The following HECW2 variants were observed in gnomAD, a reference collection of about 807,000 sequenced individuals.
HECW2 encodes E3 ubiquitin-protein ligase HECW2.
HECW2 carries 61 observed loss-of-function variants against 175.2 expected under a neutral mutation model. The observed-to-expected ratio is 0.35, with a 90% CI of 0.28 to 0.43. HECW2 has a LOEUF of 0.43. Ranked by LOEUF, HECW2 falls within the 20% of genes least tolerant of loss-of-function variation. HECW2 has a pLI of 1.00. For synonymous variants in HECW2, 671 were observed against 731.0 expected (o/e 0.92, Z 1.32); for missense variants, 1,524 against 2,000.5 (o/e 0.76, Z 4.54).
intron 14 of HECW2, among the ~76,000 whole-genome samples, chr2:196,282,710 G>A (rs1401419072): frequency 6.6e-6 from 1 of 152,172 alleles, no homozygotes; most frequent in African/African-American, 2.4e-5. Flanking sequence ...CAGGTAGCAG[G>A]CTTCAGAGAG....
intron 2 of HECW2, among the ~76,000 whole-genome samples, chr2:196,370,912 C>A (rs1419003791): frequency 2.0e-5 from 3 of 152,212 alleles, no homozygotes; most frequent in African/African-American, 7.2e-5. Context: ...AGGGGGGATG[C>A]AGTGTCAGCA....
chr2:196,263,069 G>A (rs1400193364), intron 17 of HECW2: 2 of 150,776 alleles, frequency 1.3e-5, no homozygotes, highest in African/African-American at 4.9e-5. Context: ...AAAAAGAATT[G>A]GAAAGCCAAT....
chr2:196,464,861 T>C (rs1696887403), intron 1 of HECW2, among the ~76,000 whole-genome samples: 2 of 152,068 alleles, frequency 1.3e-5, no homozygotes, highest in African/African-American at 4.8e-5. Context: ...CCTAACACAG[T>C]GAAACCCTGT....
intron 10 of HECW2, among the ~76,000 whole-genome samples, chr2:196,310,604 A>G (rs1313832975): frequency 6.6e-6 from 1 of 152,218 alleles, no homozygotes; most frequent in Non-Finnish European, 1.5e-5. Flanking sequence ...ATAAGAAAGC[A>G]TATGAAAACT....
intron 1 of HECW2, among the ~76,000 whole-genome samples, chr2:196,448,966 A>G (rs1042392190): frequency 6.6e-6 from 1 of 152,214 alleles, no homozygotes; most frequent in African/African-American, 2.4e-5. Flanking sequence ...CCTTGAGTCA[A>G]AGTAAATCAA....
intron 1 of HECW2, among the ~76,000 whole-genome samples, chr2:196,470,647 G>C (rs1248628731): frequency 6.6e-6 from 1 of 151,954 alleles, no homozygotes; most frequent in Admixed American, 6.6e-5. Flanking sequence ...AGTAAGATAG[G>C]GAAGCACTTA....
chr2:196,561,387 T>C (rs574781555), intron 1 of HECW2, among the ~76,000 whole-genome samples: 38 of 152,344 alleles, frequency 2.5e-4, no homozygotes, highest in African/African-American at 8.4e-4. Context: ...CAGTGGGACA[T>C]GGAACTTCAT....
At chr2:196,576,800 C>A (rs1690577146) in intron 1 of HECW2, among the ~76,000 whole-genome samples, 1 of 151,942 alleles carries the variant, frequency 6.6e-6, no homozygotes, top group African/African-American at 2.4e-5. Context: ...ATCAAAACAC[C>A]AAATTATACA....
intron 1 of HECW2, among the ~76,000 whole-genome samples, chr2:196,575,143 AT>A (rs1469595813): frequency 6.6e-6 from 1 of 151,834 alleles, no homozygotes; most frequent in African/African-American, 2.4e-5. Flanking sequence ...AAAAAAAAAA[AT>A]ACAATTGGCC....
At chr2:196,244,714 T>C (rs1688585367) in intron 19 of HECW2, among the ~76,000 whole-genome samples, 1 of 152,204 alleles carries the variant, frequency 6.6e-6, no homozygotes, top group African/African-American at 2.4e-5. Context: ...AGAATTTATA[T>C]CCTAAAGTGG....
rs750309545 is a variant in HECW2, at chr2:196,343,770, A to G, written c.293-6T>C. The G allele has an allele frequency of 6.5e-7, 1 of 1,548,962 alleles. No individual in the cohort carries two copies. The highest frequency in any genetic ancestry group is 1.1e-5 in the South Asian group (1 of 89,614). On this transcript the variant is annotated splice_polypyrimidine_tract_variant and splice_region_variant and intron_variant, in intron 2 of 28. Coordinates refer to ENST00000644978, the MANE Select transcript of HECW2 (RefSeq NM_001348768.2). ...GTTGGCTGGAGAATTCTCATCTAGA[A>G]AAACCAAAGAAACACTTTTCAGATT...
At chr2:196,275,055 T>C (rs1454914089) in intron 15 of HECW2, among the ~76,000 whole-genome samples, 1 of 152,238 alleles carries the variant, frequency 6.6e-6, no homozygotes, top group Admixed American at 6.5e-5. Context: ...ACTTGGGTAT[T>C]TGCTGAGGAT....
intron 2 of HECW2, among the ~76,000 whole-genome samples, chr2:196,364,543 C>A (rs920223345): frequency 2.0e-5 from 3 of 152,158 alleles, no homozygotes; most frequent in Admixed American, 1.3e-4. Context: ...AAACCACACC[C>A]CTTTGTGGGG....
At chr2:196,357,916 G>T (rs6715007) in intron 2 of HECW2, among the ~76,000 whole-genome samples, 48,657 of 152,122 alleles carry the variant, frequency 0.32, 9,966 homozygotes, top group African/African-American at 0.58. Flanking sequence ...TCTCTTTTGT[G>T]TATAAATTAT....
intron 1 of HECW2, among the ~76,000 whole-genome samples, chr2:196,568,797 A>C (rs2222728): frequency 0.081 from 12,359 of 152,114 alleles, 648 homozygotes; most frequent in South Asian, 0.15. Flanking sequence ...AACCATCAAC[A>C]AGTATAGATA....
chr2:196,584,892 C>T (rs1690920043), intron 1 of HECW2, among the ~76,000 whole-genome samples: 1 of 152,064 alleles, frequency 6.6e-6, no homozygotes, highest in East Asian at 1.9e-4. Flanking sequence ...TCATTTGTTG[C>T]TTATGAAATA....
chr2:196,550,989 G>A (rs1303856746), intron 1 of HECW2, among the ~76,000 whole-genome samples: 1 of 152,166 alleles, frequency 6.6e-6, no homozygotes, highest in Non-Finnish European at 1.5e-5. Flanking sequence ...AACCTTTCAT[G>A]CCTTATTGCT....
chr2:196,578,462 A>G (rs145915932), intron 1 of HECW2, among the ~76,000 whole-genome samples: 2 of 152,344 alleles, frequency 1.3e-5, no homozygotes, highest in Non-Finnish European at 2.9e-5. Flanking sequence ...ATTAGTGGCC[A>G]TACATTTCTT....
intron 6 of HECW2, among the ~76,000 whole-genome samples, chr2:196,324,568 A>C (rs1332927420): frequency 2.0e-5 from 3 of 152,222 alleles, no homozygotes; most frequent in Non-Finnish European, 4.4e-5. Context: ...AAATATCAAA[A>C]TTTTAAATAA....
Sources: allele counts gnomAD v4.1 joint callset (sites outside exome capture counted in the v4.1 genomes callset), GRCh38; gene constraint gnomAD v4.1.1; transcripts MANE v1.5; gene names NCBI Gene and HGNC (gene_info 2026-07-23, HGNC 2026-07-21).